ANKRD36C: variants seen among roughly 807,000 people sequenced by gnomAD.
The protein encoded by ANKRD36C is ankyrin repeat domain-containing protein 36C.
In ANKRD36C, 61 loss-of-function variants were observed where a neutral mutation model predicts 276.4. That is an observed-to-expected ratio of 0.22 (90% CI 0.18 to 0.27). ANKRD36C has a LOEUF of 0.27. ANKRD36C is among the 10% of genes least tolerant of loss of function. The pLI, the probability that ANKRD36C is intolerant of heterozygous loss-of-function variation, is 1.00. For missense variants in ANKRD36C, 1,447 were observed against 2,032.3 expected, an observed-to-expected ratio of 0.71 and a Z score of 5.54; for synonymous variants, 483 against 680.1, an observed-to-expected ratio of 0.71 and a Z score of 4.51.
At chr2:95,937,431 T>C (rs1260181801) in intron 22 of ANKRD36C, among the ~76,000 whole-genome samples, 1 of 152,310 alleles carries the variant, frequency 6.6e-6, no homozygotes, top group East Asian at 1.9e-4. Flanking sequence ...AACAAATATA[T>C]AAAACAGAAA....
intron 24 of ANKRD36C, among the ~76,000 whole-genome samples, chr2:95,935,140 T>C (rs1236568988): frequency 6.6e-6 from 1 of 152,292 alleles, no homozygotes; most frequent in Non-Finnish European, 1.5e-5. Context: ...CAACCAGAAA[T>C]TGAAGCACTG....
intron 44 of ANKRD36C, among the ~76,000 whole-genome samples, chr2:95,896,936 C>G (rs1158689843): frequency 6.8e-6 from 1 of 147,486 alleles, no homozygotes; most frequent in African/African-American, 2.5e-5. Context: ...TGTGTAAATT[C>G]TATACTTCCT....
At chr2:95,883,609 T>C (rs1490033954) in intron 54 of ANKRD36C, among the ~76,000 whole-genome samples, 2 of 152,070 alleles carry the variant, frequency 1.3e-5, no homozygotes, top group Non-Finnish European at 2.9e-5. Flanking sequence ...TCAAATCTTC[T>C]TTTAGGAAAA....
chr2:95,967,062 A>G (rs1678606693), intron 6 of ANKRD36C, among the ~76,000 whole-genome samples: 1 of 152,158 alleles, frequency 6.6e-6, no homozygotes, highest in Admixed American at 6.5e-5. Flanking sequence ...GGGCTGAGAC[A>G]ATTTGGTTTT....
chr2:95,915,875 T>G, intron 38 of ANKRD36C, 105 bp downstream of exon 40: 2 of 1,394,762 alleles, frequency 1.4e-6, no homozygotes, highest in Non-Finnish European at 2.0e-6. Context: ...CTCAGGCCTG[T>G]TGAATCAGAA....
intron 59 of ANKRD36C, among the ~76,000 whole-genome samples, chr2:95,874,155 C>T (rs1675885331): frequency 6.6e-6 from 1 of 152,106 alleles, no homozygotes; most frequent in South Asian, 2.1e-4. Flanking sequence ...CAAAGACTTT[C>T]TTCACTGAAT....
At chr2:95,947,129 T>G (rs1017349808) in intron 17 of ANKRD36C, among the ~76,000 whole-genome samples, 6 of 152,034 alleles carry the variant, frequency 3.9e-5, no homozygotes, top group Non-Finnish European at 8.8e-5. Context: ...TTAAGAAAAT[T>G]TAATCTAAAA....
At position 95,888,002 on chromosome 2, in the gene ANKRD36C, A is replaced by G. The variant is rs775707708; in HGVS notation, c.2989-5T>C. The G allele has an allele frequency of 6.3e-7, 1 of 1,599,092 alleles. No homozygotes were observed. The highest frequency in any genetic ancestry group is 8.5e-7 in the Non-Finnish European group (1 of 1,173,030). On this transcript the variant is annotated splice_region_variant and splice_polypyrimidine_tract_variant and intron_variant, in intron 49 of 66. Coordinates refer to ENST00000456556, the Ensembl canonical transcript of ANKRD36C. ...ATCTTTCTTGTCACTTGTAGCCTGA[A>G]TGGAATTTGAAACAAAATAATGAAT...
chr2:95,869,627 G>T (rs1401881565), intron 59 of ANKRD36C, among the ~76,000 whole-genome samples: 1 of 152,202 alleles, frequency 6.6e-6, no homozygotes, highest in East Asian at 1.9e-4. Context: ...GAGGTACCAG[G>T]TTCATCTCAC....
At chr2:95,863,225 C>A (rs927597927) in intron 60 of ANKRD36C, among the ~76,000 whole-genome samples, 14 of 151,852 alleles carry the variant, frequency 9.2e-5, no homozygotes, top group Non-Finnish European at 1.8e-4. Context: ...TGTAAGTAAA[C>A]AGGACAACTT....
chr2:95,966,414 T>C (rs1157496382), intron 6 of ANKRD36C, among the ~76,000 whole-genome samples: 1 of 152,200 alleles, frequency 6.6e-6, no homozygotes, highest in Non-Finnish European at 1.5e-5. Flanking sequence ...ACACAATTTA[T>C]TAAATAGGGA....
intron 59 of ANKRD36C, among the ~76,000 whole-genome samples, chr2:95,873,923 T>C (rs1675876678): frequency 6.6e-6 from 1 of 152,134 alleles, no homozygotes; most frequent in Non-Finnish European, 1.5e-5. Flanking sequence ...GAATTCCCAT[T>C]CACAATTGCT....
intron 59 of ANKRD36C, among the ~76,000 whole-genome samples, chr2:95,873,612 G>A (rs1358859924): frequency 2.6e-5 from 4 of 151,280 alleles, no homozygotes; most frequent in Non-Finnish European, 5.9e-5. Context: ...TGGCACAAGA[G>A]GGCACAAGAC....
In ANKRD36C at chr2:95,897,334, T is replaced by C; in HGVS notation, c.2755+1811A>G. 6.4e-6 allele frequency: 10 copies of C among 1,551,030 alleles called. 1 individual carries two copies. The highest frequency in any genetic ancestry group is 2.3e-5 in the South Asian group (2 of 85,550). ...TATTCAAAAGAGAATCTTTCTCATC[T>C]CTTGTAGCCTGAATGGAATTTGAAA... On this transcript the variant is annotated intron_variant, in intron 44 of 66. Transcript: ENST00000456556.
chr2:95,849,344 G>A (rs1675239163), downstream of ANKRD36C, among the ~76,000 whole-genome samples: 1 of 152,210 alleles, frequency 6.6e-6, no homozygotes, highest in African/African-American at 2.4e-5. Flanking sequence ...ACAGGCATGA[G>A]CCACTGCAGC....
chr2:95,990,243 C>T (rs1015407647), intron 1 of ANKRD36C, among the ~76,000 whole-genome samples: 9 of 152,310 alleles, frequency 5.9e-5, no homozygotes, highest in Admixed American at 5.9e-4. Context: ...AGTTAGCAGG[C>T]ACTTCATTTA....
intron 6 of ANKRD36C, among the ~76,000 whole-genome samples, chr2:95,975,795 A>G (rs1009544862): frequency 9.2e-5 from 14 of 152,254 alleles, no homozygotes; most frequent in African/African-American, 3.4e-4. Context: ...ATTAAACGAA[A>G]GAGCTTCTGC....
intron 24 of ANKRD36C, among the ~76,000 whole-genome samples, chr2:95,933,487 T>C (rs905278374): frequency 2.0e-5 from 3 of 152,188 alleles, no homozygotes; most frequent in Non-Finnish European, 4.4e-5. Context: ...GAAGAGGTCT[T>C]TCTCATCCCT....
In ANKRD36C at chr2:95,933,356, T is replaced by TGGGCA. The variant is rs1677622114; in HGVS notation, c.1735+2097_1735+2098insTGCCC. On this transcript the variant is annotated intron_variant, in intron 24 of 66. Coordinates refer to ENST00000456556, the Ensembl canonical transcript of ANKRD36C. Reference sequence around the variant, plus strand: ...TAGTCTATAGCATTGAACCTATAAATTACTTTGGGCAGTATGGCCATTTTC... The same window carrying TGGGCA: ...TAGTCTATAGCATTGAACCTATAAATGGGCATACTTTGGGCAGTATGGCCATTTTC... Among the ~76,000 whole-genome samples, 7 of 152,394 alleles carry TGGGCA rather than the reference T, an allele frequency of 4.6e-5. No homozygotes were observed. The South Asian group carries it at 1.4e-3, about 32-fold the overall frequency.
Sources: allele counts gnomAD v4.1 joint callset (sites outside exome capture counted in the v4.1 genomes callset), GRCh38; gene constraint gnomAD v4.1.1; transcripts MANE v1.5; gene names NCBI Gene and HGNC (gene_info 2026-07-23, HGNC 2026-07-21).